The following MAF variants were observed in gnomAD, a reference collection of about 807,000 sequenced individuals.
MAF encodes the protein transcription factor Maf.
In MAF, 10 loss-of-function variants were observed where a neutral mutation model predicts 22.0. The observed-to-expected ratio is 0.45, with a 90% CI of 0.28 to 0.77. The LOEUF (loss-of-function observed/expected upper bound fraction) is 0.77, where lower values mean the gene tolerates loss of function less well. MAF is among the 30% of genes least tolerant of loss of function. The pLI, the probability that MAF is intolerant of heterozygous loss-of-function variation, is 0.12. For synonymous variants in MAF, 337 were observed against 255.8 expected (o/e 1.32, Z -3.03); for missense variants, 544 against 548.4 (o/e 0.99, Z 0.08).
chr16:79,340,673 G>C, the MAF span, among the ~76,000 whole-genome samples: 1 of 151,868 alleles, frequency 6.6e-6, no homozygotes, highest in Non-Finnish European at 1.5e-5. Context: ...AAGTGATAGG[G>C]AGACATCGAG....
intron 1 of MAF, among the ~76,000 whole-genome samples, chr16:79,587,888 C>A (rs1488583381): frequency 3.4e-5 from 5 of 146,082 alleles, no homozygotes; most frequent in Admixed American, 6.9e-5. Flanking sequence ...GGGGTAGATA[C>A]TATTTGCACA....
At chr16:79,540,886 A>G in the MAF span, among the ~76,000 whole-genome samples, 2 of 152,018 alleles carry the variant, frequency 1.3e-5, no homozygotes, top group South Asian at 2.1e-4. Flanking sequence ...GTTAATTATT[A>G]CTCTTTACTG....
chr16:79,310,070 C>T, the MAF span, among the ~76,000 whole-genome samples: 4 of 152,134 alleles, frequency 2.6e-5, no homozygotes, highest in African/African-American at 9.7e-5. Context: ...AATGAACTCC[C>T]AGCACTGAGA....
chr16:79,333,160 C>A, the MAF span, among the ~76,000 whole-genome samples: 1 of 152,088 alleles, frequency 6.6e-6, no homozygotes, highest in East Asian at 1.9e-4. Context: ...CGGGTGATGG[C>A]GGTCCTGGCT....
chr16:79,488,785 G>T, the MAF span, among the ~76,000 whole-genome samples: 1 of 152,006 alleles, frequency 6.6e-6, no homozygotes, highest in Non-Finnish European at 1.5e-5. Context: ...CTTACCTCTC[G>T]TTCATCAACC....
the MAF span, among the ~76,000 whole-genome samples, chr16:79,500,013 G>C: frequency 6.6e-6 from 1 of 152,190 alleles, no homozygotes; most frequent in Non-Finnish European, 1.5e-5. Context: ...GTTATATAAA[G>C]ACAGTAGAGA....
chr16:79,228,776 A>G, the MAF span, among the ~76,000 whole-genome samples: 4 of 151,404 alleles, frequency 2.6e-5, no homozygotes, highest in African/African-American at 9.7e-5. Context: ...GACGAATATA[A>G]TGGTGGTGGG....
the MAF span, among the ~76,000 whole-genome samples, chr16:79,307,380 G>A: frequency 9.2e-5 from 14 of 152,186 alleles, no homozygotes; most frequent in Admixed American, 9.2e-4. Flanking sequence ...GGCACAGCCC[G>A]GGTCCCTGGG....
the MAF span, among the ~76,000 whole-genome samples, chr16:79,499,348 G>C: frequency 3.4e-3 from 520 of 152,262 alleles, 6 homozygotes; most frequent in African/African-American, 0.012. Context: ...AAGGTGTCAG[G>C]AGTGAACAGA....
the MAF span, among the ~76,000 whole-genome samples, chr16:79,525,704 A>AT: frequency 5.6e-4 from 85 of 152,098 alleles, no homozygotes; most frequent in African/African-American, 2.0e-3. Flanking sequence ...GCCTGCTAAG[A>AT]TTTTTTTTCT....
At chr16:79,422,232 C>T in the MAF span, among the ~76,000 whole-genome samples, 7 of 152,258 alleles carry the variant, frequency 4.6e-5, no homozygotes, top group Admixed American at 2.0e-4. Context: ...GTTCTAAGAA[C>T]CTTATTCAGC....
At chr16:79,295,823 G>T in the MAF span, among the ~76,000 whole-genome samples, 1 of 152,224 alleles carries the variant, frequency 6.6e-6, no homozygotes, top group African/African-American at 2.4e-5. Context: ...GGCTCCTAAG[G>T]CAGGGGCTGT....
the MAF span, among the ~76,000 whole-genome samples, chr16:79,329,454 C>A: frequency 6.6e-6 from 1 of 152,034 alleles, no homozygotes; most frequent in East Asian, 1.9e-4. Context: ...CTTCTGGGTC[C>A]GTGGTGGAAT....
At chr16:79,533,551 G>A in the MAF span, among the ~76,000 whole-genome samples, 2 of 152,132 alleles carry the variant, frequency 1.3e-5, no homozygotes. Context: ...AGACGGCAGG[G>A]GGAGGGGGAA....
chr16:79,406,997 C>T, the MAF span, among the ~76,000 whole-genome samples: 2 of 152,110 alleles, frequency 1.3e-5, no homozygotes, highest in Non-Finnish European at 2.9e-5. Flanking sequence ...AGTAGGCTGC[C>T]GGCGCGTCAC....
the MAF span, among the ~76,000 whole-genome samples, chr16:79,357,560 T>C: frequency 6.6e-6 from 1 of 152,332 alleles, no homozygotes; most frequent in Admixed American, 6.5e-5. Flanking sequence ...CTCACTGCAC[T>C]TTGCATCCGG....
At chr16:79,226,095 T>C in the MAF span, among the ~76,000 whole-genome samples, 12 of 152,180 alleles carry the variant, frequency 7.9e-5, no homozygotes, top group African/African-American at 1.4e-4. Flanking sequence ...TTTATTGCAG[T>C]ACTGTGCACA....
chr16:79,557,136 A>ATTTCCTTTCCTTT, the MAF span, among the ~76,000 whole-genome samples: 1 of 151,182 alleles, frequency 6.6e-6, no homozygotes, highest in Admixed American at 6.6e-5. Context: ...TTCTCAGCCA[A>ATTTCCTTTCCTTT]CACTCCTTTC....
the MAF span, among the ~76,000 whole-genome samples, chr16:79,375,261 G>A: frequency 8.5e-5 from 13 of 152,318 alleles, no homozygotes; most frequent in East Asian, 3.9e-4. Context: ...GATCTTTAGA[G>A]TTCTGCCTAC....
Sources: gnomAD v4.1 joint callset for allele counts (sites outside exome capture counted in the v4.1 genomes callset) on GRCh38, gnomAD v4.1.1 for gene constraint, MANE v1.5 for transcripts, NCBI Gene and HGNC (gene_info 2026-07-23, HGNC 2026-07-21) for gene names.